The following SBNO2 variants were observed in gnomAD, a reference collection of about 807,000 sequenced individuals.
SBNO2 encodes strawberry notch homolog 2, also known as protein strawberry notch homolog 2.
In SBNO2, 89 loss-of-function variants were observed where a neutral mutation model predicts 146.3. The ratio of observed to expected loss-of-function variants is 0.61; its 90% confidence interval spans 0.51 to 0.73. SBNO2 has a LOEUF of 0.73. Ranked by LOEUF, SBNO2 falls within the 30% of genes least tolerant of loss-of-function variation. The pLI is 0.00. For missense variants in SBNO2, 2,092 were observed against 2,003.7 expected (o/e 1.04, Z -0.84); for synonymous variants, 1,147 against 892.6 (o/e 1.29, Z -5.08).
In SBNO2 at chr19:1,109,760, C is replaced by T. The variant is rs747819146; in HGVS notation, c.3046G>A (p.Glu1016Lys). 12 of 1,592,504 alleles carry T rather than the reference C, an allele frequency of 7.5e-6. No homozygotes were observed. The highest frequency in any genetic ancestry group is 1.7e-4 in the Middle Eastern group (1 of 5,848). Residue 1016 changes from glutamate (E) to lysine (K), a missense_variant, in exon 27 of 32, where the codon GAG (glutamate) becomes AAG (lysine). Coordinates refer to ENST00000361757, the MANE Select transcript of SBNO2 (RefSeq NM_014963.3). The surrounding 1 kb of genome is among the most constrained non-coding windows in gnomAD (Gnocchi z 4.2). ...TGCTGGCTCTCCTCGTAGATCTCCT[C>T]GATACCGGGAGCAAGGTCTAGGGGG... ...MGILDLAPGI[E>K]EIYEESQQVF...
At chr19:1,151,127 G>A (rs1209618803) in intron 2 of SBNO2, among the ~76,000 whole-genome samples, 1 of 152,254 alleles carries the variant, frequency 6.6e-6, no homozygotes, top group Non-Finnish European at 1.5e-5. Context: ...CAGCCCTGGA[G>A]AGAAACAGGA....
Position 1,110,449 on chromosome 19 carries a change from C to T in SBNO2, c.3028+296G>A, listed in dbSNP as rs1233683435. Among the ~76,000 whole-genome samples, 8 of 151,974 alleles carry T rather than the reference C, an allele frequency of 5.3e-5. No individual in the cohort carries two copies. The highest frequency in any genetic ancestry group is 1.2e-4 in the Non-Finnish European group (8 of 67,962). ...CTGTGCCTGCATCCGCCCAGTCTCACCCAGTACCCTCGCTCACCCAGGATG... is the reference window on the plus strand; with the variant it reads ...CTGTGCCTGCATCCGCCCAGTCTCATCCAGTACCCTCGCTCACCCAGGATG... On this transcript the variant is annotated intron_variant, in intron 26 of 31. Transcript: ENST00000361757. This position sits in a 1 kb window ranked among gnomAD's most constrained non-coding sequence, Gnocchi z 4.9.
At chr19:1,132,404 C>A (rs1568596009) in intron 4 of SBNO2, 1 of 623,118 alleles carries the variant, frequency 1.6e-6, no homozygotes, top group Non-Finnish European at 2.0e-6. Flanking sequence ...GCGGATCTCC[C>A]ACAGGCGCTG....
At chr19:1,128,391 C>A in intron 4 of SBNO2, 1 of 306,122 alleles carries the variant, frequency 3.3e-6, no homozygotes, top group Non-Finnish European at 6.4e-6. Flanking sequence ...GTATGTACAT[C>A]ATTTCATTTT....
chr19:1,132,147 CG>C, intron 4 of SBNO2: 7 of 1,490,114 alleles, frequency 4.7e-6, no homozygotes, highest in Admixed American at 2.5e-5. Context: ...TCCCGGCGCT[CG>C]GGGGGCCAGG....
rs2080501293 is a variant in SBNO2 at position 1,173,546 on chromosome 19, G to C, written c.-127+626C>G. Among the ~76,000 whole-genome samples the C allele has an allele frequency of 6.6e-6, 1 of 152,102 alleles. No individual in the cohort carries two copies. Among genetic ancestry groups the C allele is most frequent in the African/African-American group, 2.4e-5 (1 of 41,432 alleles). ...GGGAGGGAGACAGGGCTGCGCTGCGGGGCCGAGAAGGCAAGGGTCCTGGGA... is the reference window on the plus strand; with the variant it reads ...GGGAGGGAGACAGGGCTGCGCTGCGCGGCCGAGAAGGCAAGGGTCCTGGGA... On this transcript the variant is annotated intron_variant, in intron 1 of 31. Coordinates refer to ENST00000361757, the MANE Select transcript of SBNO2 (RefSeq NM_014963.3). This position sits in a 1 kb window ranked among gnomAD's most constrained non-coding sequence, Gnocchi z 4.7.
intron 1 of SBNO2, among the ~76,000 whole-genome samples, chr19:1,169,808 C>A (rs2080460505): frequency 6.6e-6 from 1 of 152,202 alleles, no homozygotes; most frequent in Non-Finnish European, 1.5e-5. Context: ...CCAGGAGGGG[C>A]ACCTGTCCGG....
chr19:1,114,637 ATATTT>A (rs58270021), intron 17 of SBNO2, among the ~76,000 whole-genome samples: 1 of 151,460 alleles, frequency 6.6e-6, no homozygotes, highest in Non-Finnish European at 1.5e-5. Context: ...GTGGGGGGCC[ATATTT>A]TATTTATTTA....
At chr19:1,172,783 CCCCG>C (rs2080492318) in intron 1 of SBNO2, among the ~76,000 whole-genome samples, 1 of 87,052 alleles carries the variant, frequency 1.1e-5, no homozygotes, top group African/African-American at 5.6e-5. Context: ...CAACCGCCCC[CCCCG>C]CCCCGGCAAA....
chr19:1,160,434 T>C (rs919696622), intron 1 of SBNO2, among the ~76,000 whole-genome samples: 2 of 152,034 alleles, frequency 1.3e-5, no homozygotes, highest in African/African-American at 2.4e-5. Flanking sequence ...CTGGCTGCAG[T>C]GAGTGCCTGG....
rs1291354010 is a variant in SBNO2, at chr19:1,165,189, C to G, written c.-127+8983G>C. The stretch of plus-strand genomic sequence containing the variant: ...GCGTGGCCCTGCCTGACATCTGACC[C>G]CGCCGTCAGGAGCTCCACCAGGTCA... On this transcript the variant is annotated intron_variant, in intron 1 of 31. Transcript: ENST00000361757. 3.9e-5 allele frequency among the ~76,000 whole-genome samples: 6 copies of G among 152,278 alleles called. No homozygotes were observed. In the East Asian group the frequency reaches 1.2e-3, roughly 29 times the overall value.
At chr19:1,114,023 T>C (rs535206175) in intron 18 of SBNO2, among the ~76,000 whole-genome samples, 6 of 152,312 alleles carry the variant, frequency 3.9e-5, no homozygotes, top group East Asian at 1.9e-4. Flanking sequence ...CTCCCCTCTC[T>C]GGGCCTCAGT....
rs1187041231 is a variant in SBNO2 at position 1,108,348 on chromosome 19, C to T, written c.3973G>A (p.Ala1325Thr). The T allele has an allele frequency of 3.1e-6, 4 of 1,304,586 alleles. No individual in the cohort carries two copies. The highest frequency in any genetic ancestry group is 2.9e-6 in the Non-Finnish European group (3 of 1,022,256). The allele number at this position is 1,304,586 out of a possible 1,614,324, so 80.8% of individuals were successfully genotyped here. The change falls in exon 32 of 32, where the codon GCG becomes ACG. Residue 1325 changes from alanine (A) to threonine (T), a missense_variant. Physicochemically the swap from Ala to Thr is moderately conservative, Grantham distance 58 (BLOSUM62 0). Coordinates refer to ENST00000361757, the MANE Select transcript of SBNO2 (RefSeq NM_014963.3). ...VLEDMLRSLH[A>T]GPPSEGALGE... Reference sequence around the variant, plus strand: ...AGCGCGCCCTCGGAGGGCGGCCCCGCGTGCAGCGAGCGCAGCATGTCCTCC... The same window carrying T: ...AGCGCGCCCTCGGAGGGCGGCCCCGTGTGCAGCGAGCGCAGCATGTCCTCC...
Position 1,154,214 on chromosome 19 carries a change from G to A in SBNO2, c.63C>T (p.Gly21=). 8.0e-7 allele frequency: 1 copy of A among 1,257,078 alleles called. No individual in the cohort carries two copies. Among genetic ancestry groups the A allele is most frequent in the African/African-American group, 1.5e-5 (1 of 65,424 alleles). The allele number at this position is 1,257,078 out of a possible 1,614,324, so 77.9% of individuals were successfully genotyped here. ...GGGGCGGCGGGCTGTACAGGAGGCT[G>A]CCCGCCGGCGGGGGTTCATGCTGCG... ...DYPQHEPPPA[G]SLLYSPPPLQ... The change falls in exon 2 of 32, where the codon GGC becomes GGT. Residue 21 remains glycine, a synonymous_variant. Coordinates refer to ENST00000361757, the MANE Select transcript of SBNO2 (RefSeq NM_014963.3).
At position 1,108,149 on chromosome 19, in the gene SBNO2, C is replaced by T. The variant is rs1167264140; in HGVS notation, c.*71G>A. The T allele has an allele frequency of 1.5e-5, 21 of 1,424,266 alleles. No homozygotes were observed. Among genetic ancestry groups the T allele is most frequent in the Non-Finnish European group, 2.0e-5 (21 of 1,074,674 alleles). The allele number at this position is 1,424,266 out of a possible 1,614,324, so 88.2% of individuals were successfully genotyped here. A position where few individuals can be genotyped will look rare whatever the true frequency, so the allele number is the denominator to read the frequency against. On this transcript the variant is annotated 3_prime_UTR_variant, in exon 32 of 32. Transcript: ENST00000361757. ...GAGCAGTGGTCAGGGGACCTTGGCC[C>T]TGCTCCCCACCGCTGCTCCTAGGGG... is the stretch of plus-strand genomic sequence containing the variant.
intron 11 of SBNO2, among the ~76,000 whole-genome samples, chr19:1,120,531 G>T (rs556991423): frequency 7.9e-5 from 12 of 151,868 alleles, no homozygotes; most frequent in Non-Finnish European, 1.3e-4. Context: ...CACCACAACC[G>T]GCTAATTTTT....
Position 1,108,583 on chromosome 19 carries a change from CGGGCGCGGGGCGGGCG to C in SBNO2, c.3722_3737del (p.Pro1241ArgfsTer107), listed in dbSNP as rs2079705065. The C allele has an allele frequency of 1.2e-6, 1 of 817,894 alleles. No homozygotes were observed. 50.7% of individuals were successfully genotyped at this position (817,894 alleles called of 1,614,324 possible). On this transcript the variant is annotated frameshift_variant, in exon 32 of 32. Transcript: ENST00000361757. LOFTEE classifies it low-confidence loss of function (END_TRUNC). ...CTCCGGGGCCGCAAGGCAGCGCCAG[CGGGCGCGGGGCGGGCG>C]GGGCGGGGCAGCCCAGGGCGGGCGC...
chr19:1,156,331 C>T (rs1030158830), intron 1 of SBNO2, among the ~76,000 whole-genome samples: 17 of 152,126 alleles, frequency 1.1e-4, no homozygotes, highest in African/African-American at 4.1e-4. Context: ...GCCTTGGGGA[C>T]CTGGCAGGGT....
At position 1,109,304 on chromosome 19, in the gene SBNO2, G is replaced by T; in HGVS notation, c.3336C>A (p.Arg1112=). The T allele has an allele frequency of 6.3e-7, 1 of 1,596,402 alleles. No individual in the cohort carries two copies. The highest frequency in any genetic ancestry group is 8.5e-7 in the Non-Finnish European group (1 of 1,172,694). Residue 1112 remains arginine (R), a synonymous_variant, in exon 29 of 32, where the codon CGC becomes CGA. Transcript: ENST00000361757. The surrounding 1 kb of genome is among the most constrained non-coding windows in gnomAD (Gnocchi z 4.2). The part of the protein sequence containing the change: ...SQLEALDSLR[R]KFHRVTAEEA... ...GGCGGCCGCCTACCCGGTGGAACTTGCGGCGGAGGCTGTCCAGGGCCTCCA... is the reference window on the plus strand; with the variant it reads ...GGCGGCCGCCTACCCGGTGGAACTTTCGGCGGAGGCTGTCCAGGGCCTCCA...
Sources: gnomAD v4.1 joint callset for allele counts (sites outside exome capture counted in the v4.1 genomes callset) on GRCh38, gnomAD v4.1.1 for gene constraint, Gnocchi (gnomAD v3.1) non-coding constraint, MANE v1.5 for transcripts, NCBI Gene and HGNC (gene_info 2026-07-23, HGNC 2026-07-21) for gene names.